The following CAMTA1 variants were observed in gnomAD, a reference collection of about 807,000 sequenced individuals.
CAMTA1 encodes the protein calmodulin-binding transcription activator 1.
A neutral mutation model predicts 170.9 loss-of-function variants in CAMTA1; 27 were observed. The ratio of observed to expected loss-of-function variants is 0.16; its 90% confidence interval spans 0.12 to 0.22. CAMTA1 has a LOEUF of 0.22. Ranked by LOEUF, CAMTA1 falls within the 10% of genes least tolerant of loss-of-function variation. The pLI, the probability that CAMTA1 is intolerant of heterozygous loss-of-function variation, is 1.00. For synonymous variants in CAMTA1, 833 were observed against 891.5 expected (o/e 0.93, Z 1.17); for missense variants, 1,619 against 2,217.2 (o/e 0.73, Z 5.42).
intron 11 of CAMTA1, among the ~76,000 whole-genome samples, chr1:7,695,419 G>A (rs12144591): frequency 0.058 from 8,771 of 152,248 alleles, 383 homozygotes; most frequent in Admixed American, 0.11. Context: ...CAGAGTGAGT[G>A]GGTGCTCATT....
intron 6 of CAMTA1, among the ~76,000 whole-genome samples, chr1:7,582,010 C>A (rs1276794377): frequency 1.3e-5 from 2 of 152,208 alleles, no homozygotes; most frequent in African/African-American, 2.4e-5. Context: ...TCTTGTCTCT[C>A]TGCTCTTGTT....
intron 3 of CAMTA1, among the ~76,000 whole-genome samples, chr1:6,963,965 T>C (rs1003030927): frequency 6.6e-6 from 1 of 152,126 alleles, no homozygotes; most frequent in Non-Finnish European, 1.5e-5. Flanking sequence ...GTGCTCTGGG[T>C]GAGGCACAGC....
chr1:6,963,112 A>C (rs1690797499), intron 3 of CAMTA1, among the ~76,000 whole-genome samples: 2 of 137,708 alleles, frequency 1.5e-5, no homozygotes, highest in African/African-American at 2.7e-5. Flanking sequence ...GACCCATCCC[A>C]CCCTCTGGCC....
chr1:7,194,769 C>A (rs530771572), intron 4 of CAMTA1, among the ~76,000 whole-genome samples: 1 of 152,304 alleles, frequency 6.6e-6, no homozygotes, highest in Non-Finnish European at 1.5e-5. Context: ...TATGACCCTC[C>A]TTCCCTGTGC....
chr1:7,308,561 C>T (rs1441346313), intron 5 of CAMTA1, among the ~76,000 whole-genome samples: 1 of 151,996 alleles, frequency 6.6e-6, no homozygotes, highest in Non-Finnish European at 1.5e-5. Flanking sequence ...ATTGTTTGAT[C>T]AGTTAAAAAT....
chr1:6,833,782 T>C (rs1163164560), intron 3 of CAMTA1, among the ~76,000 whole-genome samples: 1 of 152,336 alleles, frequency 6.6e-6, no homozygotes. Flanking sequence ...TGAGTTTGTG[T>C]GTTAGAACAT....
In CAMTA1 at chr1:7,251,009, C is replaced by T. The variant is rs1216687663; in HGVS notation, c.438+1383C>T. On this transcript the variant is annotated intron_variant, in intron 5 of 22. Coordinates refer to ENST00000303635, the MANE Select transcript of CAMTA1 (RefSeq NM_015215.4). This position sits in a 1 kb window ranked among gnomAD's most constrained non-coding sequence, Gnocchi z 5.1. Reference sequence around the variant, plus strand: ...TTCCTGGGAGGACCCTCATCTCCTACGCTGGAGGGAGAGGTAGAGAGTGAG... The same window carrying T: ...TTCCTGGGAGGACCCTCATCTCCTATGCTGGAGGGAGAGGTAGAGAGTGAG... Among the ~76,000 whole-genome samples, 4 of 152,304 alleles carry T rather than the reference C, an allele frequency of 2.6e-5. No homozygotes were observed. The highest frequency in any genetic ancestry group is 5.9e-5 in the Non-Finnish European group (4 of 68,026).
rs1302737834 is a variant in CAMTA1 at position 7,663,571 on chromosome 1, G to A, written c.1024G>A (p.Glu342Lys). 1 of 1,613,464 alleles carries A rather than the reference G, an allele frequency of 6.2e-7. No individual in the cohort carries two copies. The highest frequency in any genetic ancestry group is 8.5e-7 in the Non-Finnish European group (1 of 1,179,502). ...KPVLLHQSST[E>K]VSSTNQVEVP... The stretch of plus-strand genomic sequence containing the variant: ...CGTGCTCCTGCACCAGAGCAGCACC[G>A]AGGTCTCCTCCACCAACCAGGTGGA... The change falls in exon 9 of 23, where the codon GAG becomes AAG. Residue 342 changes from glutamate (E) to lysine (K), a missense_variant. By Grantham distance (56) the Glu-to-Lys change is moderately conservative (BLOSUM62 1). This residue lies in a region of CAMTA1 where 731 missense variants were observed against 907.6 expected (regional missense o/e 0.81). Coordinates refer to ENST00000303635, the MANE Select transcript of CAMTA1 (RefSeq NM_015215.4).
At chr1:7,614,470 G>A (rs940169550) in intron 6 of CAMTA1, among the ~76,000 whole-genome samples, 6 of 152,034 alleles carry the variant, frequency 3.9e-5, no homozygotes, top group Non-Finnish European at 7.4e-5. Context: ...TATTTTGTAC[G>A]TAATGACAAT....
At chr1:7,273,031 A>G (rs557756472) in intron 5 of CAMTA1, among the ~76,000 whole-genome samples, 1 of 152,354 alleles carries the variant, frequency 6.6e-6, no homozygotes, top group East Asian at 1.9e-4. Context: ...TCATCAGAGA[A>G]GTGAAAACCA....
At chr1:7,331,355 C>T (rs910367860) in intron 5 of CAMTA1, among the ~76,000 whole-genome samples, 1 of 152,202 alleles carries the variant, frequency 6.6e-6, no homozygotes, top group Admixed American at 6.5e-5. Flanking sequence ...AGCAGCAGCC[C>T]TCATGCGGGT....
intron 5 of CAMTA1, among the ~76,000 whole-genome samples, chr1:7,404,570 G>A (rs2090151701): frequency 6.6e-6 from 1 of 152,216 alleles, no homozygotes. Context: ...TTGTATCGTT[G>A]CTGGAGAATT....
chr1:7,599,204 C>T (rs2095422386), intron 6 of CAMTA1, among the ~76,000 whole-genome samples: 3 of 152,164 alleles, frequency 2.0e-5, no homozygotes, highest in Non-Finnish European at 4.4e-5. Context: ...GGAATCCTTT[C>T]CCCATTTCTT....
chr1:6,899,644 A>G (rs1030380261), intron 3 of CAMTA1, among the ~76,000 whole-genome samples: 1 of 152,132 alleles, frequency 6.6e-6, no homozygotes, highest in Non-Finnish European at 1.5e-5. Flanking sequence ...CTGGGCAAAA[A>G]TAACACTAGC....
At chr1:7,601,497 T>C (rs1327826322) in intron 6 of CAMTA1, among the ~76,000 whole-genome samples, 1 of 140,774 alleles carries the variant, frequency 7.1e-6, no homozygotes, top group Non-Finnish European at 1.5e-5. Context: ...TCCCAGACGA[T>C]GGGCGGCCAG....
chr1:6,992,384 C>G (rs962662262), intron 3 of CAMTA1, among the ~76,000 whole-genome samples: 1 of 152,160 alleles, frequency 6.6e-6, no homozygotes, highest in African/African-American at 2.4e-5. Context: ...AAGTTTATCA[C>G]TTTTTTCCCT....
chr1:7,289,878 G>A (rs1046702838), intron 5 of CAMTA1, among the ~76,000 whole-genome samples: 1 of 152,206 alleles, frequency 6.6e-6, no homozygotes, highest in African/African-American at 2.4e-5. Context: ...CAGAGAGGGC[G>A]TGGTCTTACC....
intron 4 of CAMTA1, among the ~76,000 whole-genome samples, chr1:7,203,490 T>G (rs1022368154): frequency 6.2e-5 from 1 of 16,180 alleles, no homozygotes; most frequent in Non-Finnish European, 1.0e-4. Flanking sequence ...TTGTGGGTAG[T>G]TTTTTTTTTT....
intron 6 of CAMTA1, among the ~76,000 whole-genome samples, chr1:7,492,372 C>G (rs1375003763): frequency 2.0e-5 from 3 of 152,270 alleles, no homozygotes; most frequent in African/African-American, 7.2e-5. Flanking sequence ...AGAGCTGGCT[C>G]CGGCCTTTTG....
Sources: allele counts gnomAD v4.1 joint callset (sites outside exome capture counted in the v4.1 genomes callset), GRCh38; gene constraint gnomAD v4.1.1; regional missense constraint gnomAD v4.1.1; non-coding constraint Gnocchi (gnomAD v3.1); transcripts MANE v1.5; gene names NCBI Gene and HGNC (gene_info 2026-07-23, HGNC 2026-07-21).